The following TENM2 variants were observed in gnomAD, a reference collection of about 807,000 sequenced individuals.
TENM2 encodes the protein teneurin-2.
A neutral mutation model predicts 245.2 loss-of-function variants in TENM2; 52 were observed. That is an observed-to-expected ratio of 0.21 (90% CI 0.17 to 0.27). TENM2 has a LOEUF of 0.27. TENM2 is among the 10% of genes least tolerant of loss of function. The pLI is 1.00. For synonymous variants in TENM2, 1,363 were observed against 1,438.9 expected, an observed-to-expected ratio of 0.95 and a Z score of 1.19; for missense variants, 3,046 against 3,666.8, an observed-to-expected ratio of 0.83 and a Z score of 4.37.
chr5:167,869,287 G>A (rs1164854025), intron 2 of TENM2, among the ~76,000 whole-genome samples: 1 of 152,224 alleles, frequency 6.6e-6, no homozygotes. Flanking sequence ...GGTAGAAAAT[G>A]AGAATGGGTT....
intron 8 of TENM2, among the ~76,000 whole-genome samples, chr5:168,094,020 T>TACACAC (rs1400511484): frequency 2.0e-5 from 3 of 150,812 alleles, no homozygotes; most frequent in African/African-American, 7.4e-5. Context: ...GACATACACA[T>TACACAC]ACACACAGGC....
intron 9 of TENM2, among the ~76,000 whole-genome samples, chr5:168,104,841 C>T (rs1794117921): frequency 6.6e-6 from 1 of 152,132 alleles, no homozygotes; most frequent in Non-Finnish European, 1.5e-5. Flanking sequence ...AACACATTGT[C>T]CTGAGTCAGT....
chr5:167,306,660 T>C (rs1273397358), intron 1 of TENM2: 2 of 152,154 alleles, frequency 1.3e-5, no homozygotes, highest in Admixed American at 1.3e-4. Flanking sequence ...TAAGGGCTCA[T>C]CATTAAAATC....
At chr5:167,969,271 T>C (rs1352750879) in intron 4 of TENM2, among the ~76,000 whole-genome samples, 1 of 152,138 alleles carries the variant, frequency 6.6e-6, no homozygotes, top group African/African-American at 2.4e-5. Flanking sequence ...GTCTTTCCCA[T>C]GCTCTTCTCG....
intron 2 of TENM2, among the ~76,000 whole-genome samples, chr5:167,618,248 G>A (rs1180880463): frequency 6.6e-6 from 1 of 152,034 alleles, no homozygotes; most frequent in Non-Finnish European, 1.5e-5. Context: ...CACTTGTCCA[G>A]GGTCACTCAT....
chr5:167,212,845 C>T, the TENM2 span, among the ~76,000 whole-genome samples: 2 of 152,312 alleles, frequency 1.3e-5, no homozygotes, highest in Admixed American at 6.5e-5. Flanking sequence ...ATGCACCCTA[C>T]TCCATATGCA....
intron 2 of TENM2, among the ~76,000 whole-genome samples, chr5:167,383,275 T>C (rs924801624): frequency 1.3e-5 from 2 of 152,116 alleles, no homozygotes; most frequent in African/African-American, 4.8e-5. Context: ...CATATAGTTT[T>C]GGGGGGAGAG....
intron 2 of TENM2, among the ~76,000 whole-genome samples, chr5:167,466,533 G>A (rs1369178705): frequency 2.0e-5 from 3 of 152,154 alleles, no homozygotes; most frequent in Non-Finnish European, 2.9e-5. Context: ...CATAGTGGCT[G>A]ATATCTTGCA....
At chr5:167,285,128 T>C in intron 1 of TENM2, 65 bp downstream of exon 3, 1 of 1,266,648 alleles carries the variant, frequency 7.9e-7, no homozygotes, top group Middle Eastern at 1.9e-4. Flanking sequence ...ACATGGTTGA[T>C]GGCTGCTTTT....
chr5:167,261,500 A>ACAT, the TENM2 span, among the ~76,000 whole-genome samples: 19 of 152,178 alleles, frequency 1.2e-4, no homozygotes, highest in East Asian at 3.3e-3. Flanking sequence ...GTCATCATTA[A>ACAT]CATCATCATC....
chr5:168,016,294 G>A (rs1189485953), intron 5 of TENM2, among the ~76,000 whole-genome samples: 1 of 152,120 alleles, frequency 6.6e-6, no homozygotes, highest in Non-Finnish European at 1.5e-5. Flanking sequence ...GAACCATAAT[G>A]CTCCATCACC....
At chr5:167,069,520 A>G in the TENM2 span, among the ~76,000 whole-genome samples, 3 of 152,208 alleles carry the variant, frequency 2.0e-5, no homozygotes, top group Non-Finnish European at 4.4e-5. Flanking sequence ...AATTTGATTG[A>G]ATCAAAAGGG....
At chr5:167,118,437 A>G in the TENM2 span, among the ~76,000 whole-genome samples, 2 of 152,272 alleles carry the variant, frequency 1.3e-5, no homozygotes, top group East Asian at 1.9e-4. Context: ...GTGGCAGAGA[A>G]CAGAATGATC....
intron 2 of TENM2, among the ~76,000 whole-genome samples, chr5:167,482,366 T>C (rs1767808533): frequency 6.6e-6 from 1 of 152,222 alleles, no homozygotes; most frequent in Non-Finnish European, 1.5e-5. Flanking sequence ...TATATATTCA[T>C]GTGGATGTGC....
chr5:168,196,522 C>T (rs1399213699), intron 15 of TENM2, among the ~76,000 whole-genome samples: 6 of 152,258 alleles, frequency 3.9e-5, no homozygotes, highest in South Asian at 2.1e-4. Context: ...AGTGCAATGG[C>T]GCAATCTCGG....
chr5:167,931,549 TGGA>T (rs1392584844), intron 3 of TENM2, among the ~76,000 whole-genome samples: 11 of 90,890 alleles, frequency 1.2e-4, no homozygotes, highest in African/African-American at 3.7e-4. Context: ...ATAAACCCAT[TGGA>T]AAAAAAAAAA....
At chr5:167,903,634 G>A (rs1299992221) in intron 3 of TENM2, among the ~76,000 whole-genome samples, 1 of 152,180 alleles carries the variant, frequency 6.6e-6, no homozygotes, top group African/African-American at 2.4e-5. Flanking sequence ...GAGGAACTAG[G>A]AGAAAATGTG....
At chr5:167,093,966 G>A in the TENM2 span, among the ~76,000 whole-genome samples, 11 of 152,206 alleles carry the variant, frequency 7.2e-5, no homozygotes, top group Middle Eastern at 6.8e-3. Flanking sequence ...AATGCCCTCC[G>A]CCATCTTTCT....
the TENM2 span, among the ~76,000 whole-genome samples, chr5:167,142,944 G>T: frequency 4.0e-4 from 61 of 152,156 alleles, no homozygotes; most frequent in Non-Finnish European, 7.2e-4. Flanking sequence ...GCATCTGCGG[G>T]AACATTGAGT....
Sources: allele counts gnomAD v4.1 joint callset (sites outside exome capture counted in the v4.1 genomes callset), GRCh38; gene constraint gnomAD v4.1.1; transcripts MANE v1.5; gene names NCBI Gene and HGNC (gene_info 2026-07-23, HGNC 2026-07-21).